Variants in CMKLR1 observed in about 807,000 individuals in gnomAD.
CMKLR1 encodes chemerin chemokine-like receptor 1, also known as chemerin-like receptor 1.
In CMKLR1, 6 loss-of-function variants were observed where a neutral mutation model predicts 8.2. The ratio of observed to expected loss-of-function variants is 0.73; its 90% CI spans 0.40 to 1.44. The LOEUF (loss-of-function observed/expected upper bound fraction) is 1.44. Ranked by LOEUF, CMKLR1 falls within the 40% of genes most tolerant of loss-of-function variation. CMKLR1 has a pLI of 0.02. For synonymous variants in CMKLR1, 178 were observed against 181.2 expected (o/e 0.98, Z 0.14); for missense variants, 429 against 478.0 (o/e 0.90, Z 0.96).
At chr12:108,312,404 G>A (rs145370816) in intron 2 of CMKLR1, among the ~76,000 whole-genome samples, 20 of 152,288 alleles carry the variant, frequency 1.3e-4, no homozygotes, top group Non-Finnish European at 2.2e-4. Context: ...CTACCAGCAC[G>A]GCTTCTCCAT....
intron 1 of CMKLR1, among the ~76,000 whole-genome samples, chr12:108,332,241 C>T: frequency 6.6e-6 from 1 of 152,208 alleles, no homozygotes; most frequent in East Asian, 1.9e-4. Flanking sequence ...CTCACAAAAA[C>T]AATAGGTGGC....
At position 108,291,713 on chromosome 12, in the gene CMKLR1, T is replaced by C. The variant is rs1384218639; in HGVS notation, c.*128A>G. The C allele has an allele frequency of 1.1e-6, 1 of 931,278 alleles. No individual in the cohort carries two copies. The highest frequency in any genetic ancestry group is 1.7e-5 in the African/African-American group (1 of 60,298). The allele number at this position is 931,278 out of a possible 1,614,324, so 57.7% of individuals were successfully genotyped here. On this transcript the variant is annotated 3_prime_UTR_variant, in exon 4 of 4. Coordinates refer to ENST00000550402, the MANE Select transcript of CMKLR1 (RefSeq NM_001142343.2). ...GCCCTAGATTCCCAGCATAAAACAC[T>C]GTTCATCCCATGCAAAATGCAGTGA...
chr12:108,309,171 G>A lies in CMKLR1; in HGVS notation c.-73-15507C>T, dbSNP rs59303712. On this transcript the variant is annotated intron_variant, in intron 2 of 3. Coordinates refer to ENST00000550402, the MANE Select transcript of CMKLR1 (RefSeq NM_001142343.2). ...GGTTTATGTTGGTAATGTTTTAGAAGCATGCCTGGTTCATCGGAAGCTCTA... is the reference window on the plus strand; with the variant it reads ...GGTTTATGTTGGTAATGTTTTAGAAACATGCCTGGTTCATCGGAAGCTCTA... Among the ~76,000 whole-genome samples, 1,153 of 152,326 alleles carry A rather than the reference G, an allele frequency of 7.6e-3. 10 individuals are homozygous for A. The highest frequency in any genetic ancestry group is 0.024 in the African/African-American group (991 of 41,560).
chr12:108,314,938 T>A (rs1891679655), intron 2 of CMKLR1, among the ~76,000 whole-genome samples: 1 of 149,094 alleles, frequency 6.7e-6, no homozygotes, highest in African/African-American at 2.5e-5. Flanking sequence ...AGCCTTGTTT[T>A]TTTTTTTTTT....
intron 2 of CMKLR1, among the ~76,000 whole-genome samples, chr12:108,300,466 GATGAATGAATGA>G (rs5800818): frequency 6.6e-6 from 1 of 151,362 alleles, no homozygotes; most frequent in African/African-American, 2.4e-5. Flanking sequence ...AATATTGTTT[GATGAATGAATGA>G]ATGAATGAAT....
rs538110781 is a variant in CMKLR1, at chr12:108,301,138, C to T, written c.-73-7474G>A. ...GTTGCCAGGCTGGAGTGCAGTGGTG[C>T]GATCTCAGCTTACTGCAGCCTCTGC... On this transcript the variant is annotated intron_variant, in intron 2 of 3. Transcript: ENST00000550402. Among the ~76,000 whole-genome samples, 10 of 138,740 alleles carry T rather than the reference C, an allele frequency of 7.2e-5. No individual in the cohort carries two copies. The South Asian group carries it at 1.5e-3, about 20-fold the overall frequency. The allele number at this position is 138,740 out of a possible 152,430, so 91.0% of individuals were successfully genotyped here.
Position 108,291,856 on chromosome 12 carries a change from C to T in CMKLR1, c.1107G>A (p.Glu369=), listed in dbSNP as rs1398545276. 1.2e-6 allele frequency: 2 copies of T among 1,612,818 alleles called. No individual in the cohort carries two copies. The highest frequency in any genetic ancestry group is 8.5e-7 in the Non-Finnish European group (1 of 1,179,356). ...ACAGTGAGGATCAAAGCATGCCGGT[C>T]TCCCTCTCATTCATAGAAGTCCTCT... ...MNERTSMNER[E]TGML The change falls in exon 4 of 4, where the codon GAG becomes GAA. Residue 369 remains glutamate, a synonymous_variant. Coordinates refer to ENST00000550402, the MANE Select transcript of CMKLR1 (RefSeq NM_001142343.2).
intron 1 of CMKLR1, among the ~76,000 whole-genome samples, chr12:108,331,031 C>T (rs895690562): frequency 6.6e-6 from 1 of 152,254 alleles, no homozygotes; most frequent in South Asian, 2.1e-4. Context: ...GTGCTCCTTG[C>T]AGCCCATGAG....
chr12:108,291,302 C>T lies in CMKLR1; in HGVS notation c.*539G>A, dbSNP rs1480878124. ...ATTCATGGCCTATGGAGTTCATGGG[C>T]TGATATGTCACCTTCCTCTCCCAGA... On this transcript the variant is annotated 3_prime_UTR_variant, in exon 4 of 4. Coordinates refer to ENST00000550402, the MANE Select transcript of CMKLR1 (RefSeq NM_001142343.2). 3 of 154,328 alleles carry T rather than the reference C, an allele frequency of 1.9e-5. No homozygotes were observed. Among genetic ancestry groups the T allele is most frequent in the African/African-American group, 7.2e-5 (3 of 41,462 alleles). The allele number at this position is 154,328 out of a possible 1,614,324, so 9.6% of individuals were successfully genotyped here.
At chr12:108,336,837 G>C (rs1170468659) in intron 1 of CMKLR1, among the ~76,000 whole-genome samples, 1 of 152,178 alleles carries the variant, frequency 6.6e-6, no homozygotes, top group African/African-American at 2.4e-5. Flanking sequence ...CAGAACAATA[G>C]CTAATGTTTA....
chr12:108,292,285 G>C lies in CMKLR1; in HGVS notation c.678C>G (p.Leu226=). 1 of 1,614,220 alleles carries C rather than the reference G, an allele frequency of 6.2e-7. No individual in the cohort carries two copies. The highest frequency in any genetic ancestry group is 1.3e-5 in the African/African-American group (1 of 75,050). Residue 226 remains leucine (L), a synonymous_variant, in exon 4 of 4, where the codon CTC becomes CTG. Coordinates refer to ENST00000550402, the MANE Select transcript of CMKLR1 (RefSeq NM_001142343.2). ...RHMVVTVTRF[L]CGFLVPVLII... ...TGAGGACTGGGACCAGGAAGCCACA[G>C]AGGAAGCGGGTGACAGTCACCACCA...
chr12:108,324,576 G>A (rs1176345656), intron 2 of CMKLR1, among the ~76,000 whole-genome samples: 1 of 152,206 alleles, frequency 6.6e-6, no homozygotes, highest in East Asian at 1.9e-4. Flanking sequence ...CTTCCAAGGG[G>A]CTCCACTTTC....
At position 108,292,991 on chromosome 12, in the gene CMKLR1, C is replaced by A. The variant is rs369733869; in HGVS notation, c.4-32G>T. 5.1e-6 allele frequency: 8 copies of A among 1,565,090 alleles called. No individual in the cohort carries two copies. The Admixed American group carries it at 7.3e-5, about 14-fold the overall frequency. On this transcript the variant is annotated intron_variant, in intron 3 of 3. Transcript: ENST00000550402. ...GAGAAGACAGGGACCATTAGAGGAA[C>A]CCTAGAGTTGGCTTTAAGAGGTTGA...
intron 2 of CMKLR1, among the ~76,000 whole-genome samples, chr12:108,311,621 G>C (rs1956005177): frequency 6.6e-6 from 1 of 152,128 alleles, no homozygotes; most frequent in Admixed American, 6.5e-5. Flanking sequence ...GCAAGACTTT[G>C]CCTCCTAAAA....
intron 2 of CMKLR1, among the ~76,000 whole-genome samples, chr12:108,310,493 C>T (rs528205283): frequency 6.6e-6 from 1 of 152,244 alleles, no homozygotes; most frequent in East Asian, 1.9e-4. Flanking sequence ...AGGCTCCAGG[C>T]ATCAGGATGT....
In CMKLR1 at chr12:108,289,068, T is replaced by A. The variant is rs1433898554; in HGVS notation, c.*2773A>T. ...ATGAATGCCAGATCCCTTTCCTTCATCATCATGCTCTGGGACCTTTCTGTC... is the reference window on the plus strand; with the variant it reads ...ATGAATGCCAGATCCCTTTCCTTCAACATCATGCTCTGGGACCTTTCTGTC... On this transcript the variant is annotated 3_prime_UTR_variant, in exon 4 of 4. Transcript: ENST00000550402. The A allele has an allele frequency of 6.6e-6, 1 of 152,002 alleles. No homozygotes were observed. Among genetic ancestry groups the A allele is most frequent in the African/African-American group, 2.4e-5 (1 of 41,302 alleles). 9.4% of individuals were successfully genotyped at this position (152,002 alleles called of 1,614,324 possible).
At position 108,292,147 on chromosome 12, in the gene CMKLR1, G is replaced by T; in HGVS notation, c.816C>A (p.Cys272Ter). Residue 272 changes from cysteine to a stop codon, truncating the protein, a stop_gained, in exon 4 of 4, where the codon TGC becomes TGA. Transcript: ENST00000550402. LOFTEE classifies it high-confidence loss of function. ...IVTIIITFFL[C>*]WCPYHTLNLL... The stretch of plus-strand genomic sequence containing the variant: ...GGTTGAGTGTGTGGTAGGGGCACCA[G>T]CAGAGGAAGAAGGTAATGATGATGG... 1 of 1,614,210 alleles carries T rather than the reference G, an allele frequency of 6.2e-7. No homozygotes were observed. Among genetic ancestry groups the T allele is most frequent in the Middle Eastern group, 1.6e-4 (1 of 6,062 alleles).
At chr12:108,313,813 C>T (rs1891648983) in intron 2 of CMKLR1, among the ~76,000 whole-genome samples, 1 of 152,196 alleles carries the variant, frequency 6.6e-6, no homozygotes, top group East Asian at 1.9e-4. Context: ...CTTGTCAAGT[C>T]ATTGGAAAGC....
In CMKLR1 at chr12:108,292,274, A is replaced by G. The variant is rs749428744; in HGVS notation, c.689T>C (p.Leu230Pro). The G allele has an allele frequency of 6.2e-7, 1 of 1,614,238 alleles. No individual in the cohort carries two copies. Among genetic ancestry groups the G allele is most frequent in the Non-Finnish European group, 8.5e-7 (1 of 1,180,044 alleles). The change falls in exon 4 of 4, where the codon CTG becomes CCG. Residue 230 changes from leucine to proline, a missense_variant. Physicochemically the swap from Leu to Pro is moderately conservative, Grantham distance 98. Coordinates refer to ENST00000550402, the MANE Select transcript of CMKLR1 (RefSeq NM_001142343.2). ...VTVTRFLCGF[L>P]VPVLIITACY... ...AGCTGTGATGATGAGGACTGGGACC[A>G]GGAAGCCACAGAGGAAGCGGGTGAC...
Sources: gnomAD v4.1 joint callset for allele counts (sites outside exome capture counted in the v4.1 genomes callset) on GRCh38, gnomAD v4.1.1 for gene constraint, MANE v1.5 for transcripts, NCBI Gene and HGNC (gene_info 2026-07-23, HGNC 2026-07-21) for gene names.